The following C17orf58 variants were observed in gnomAD, a reference collection of about 807,000 sequenced individuals.
C17orf58 encodes the protein UPF0450 protein C17orf58.
C17orf58 carries 5 observed loss-of-function variants against 7.4 expected under a neutral mutation model. The observed-to-expected ratio is 0.67, with a 90% CI of 0.35 to 1.42. C17orf58 has a LOEUF of 1.42. C17orf58 is among the 40% of genes most tolerant of loss of function. The probability of loss-of-function intolerance (pLI) is 0.04; values close to 1 mark genes in which losing one functional copy is unlikely to be tolerated. For missense variants in C17orf58, 162 were observed against 174.2 expected (o/e 0.93, Z 0.40); for synonymous variants, 60 against 70.6 (o/e 0.85, Z 0.75).
chr17:67,993,397 G>A lies in C17orf58; in HGVS notation c.637+27C>T, dbSNP rs1290055741. On this transcript the variant is annotated intron_variant, in intron 2 of 3. Transcript: ENST00000580729. The surrounding 1 kb of genome is among the most constrained non-coding windows in gnomAD (Gnocchi z 5.1). ...GCTCGGAAAGGCTCGCGGGGCGGCGGGGCGGCGGCGCGGCGGCCGGGCTCA... is the reference window on the plus strand; with the variant it reads ...GCTCGGAAAGGCTCGCGGGGCGGCGAGGCGGCGGCGCGGCGGCCGGGCTCA... 6.9e-6 allele frequency: 4 copies of A among 579,198 alleles called. No individual in the cohort carries two copies. Among genetic ancestry groups the A allele is most frequent in the African/African-American group, 1.9e-5 (1 of 51,744 alleles). The allele number at this position is 579,198 out of a possible 1,614,324, so 35.9% of individuals were successfully genotyped here. A position where few individuals can be genotyped will look rare whatever the true frequency, so the allele number is the denominator to read the frequency against.
Position 67,991,973 on chromosome 17 carries a change from T to G in C17orf58, c.960A>C (p.Lys320Asn). 1 of 1,613,178 alleles carries G rather than the reference T, an allele frequency of 6.2e-7. No individual in the cohort carries two copies. The highest frequency in any genetic ancestry group is 1.1e-5 in the South Asian group (1 of 90,738). Residue 320 changes from lysine (K) to asparagine (N), a missense_variant, in exon 4 of 4, where the codon AAA (lysine) becomes AAC (asparagine). Physicochemically the swap from Lys to Asn is moderately conservative, Grantham distance 94 (BLOSUM62 0). Transcript: ENST00000580729. ...GCCCTTCCCTTTTTCGATTAAACCT[T>G]TTCACATAGCTGCTGCTGCTCCTTA... ...GLLRSSSSYV[K>N]RFNRKREGQI...
At chr17:67,994,512 G>GCATATATATATATATATA (rs782617371) in intron 1 of C17orf58, among the ~76,000 whole-genome samples, 2 of 85,568 alleles carry the variant, frequency 2.3e-5, no homozygotes, top group African/African-American at 7.5e-5. Flanking sequence ...GTGTGTGTGT[G>GCATATATATATATATATA]TGTGTATATA....
At chr17:67,992,774 G>A in intron 3 of C17orf58, 1 of 1,225,456 alleles carries the variant, frequency 8.2e-7, no homozygotes, top group South Asian at 1.5e-5. Context: ...TGGCAATGGT[G>A]TTTGGTCGTC....
At chr17:67,995,951 C>T (rs1490220491) in intron 1 of C17orf58, among the ~76,000 whole-genome samples, 172 bp downstream of exon 1, 2 of 152,226 alleles carry the variant, frequency 1.3e-5, no homozygotes, top group Non-Finnish European at 2.9e-5. Flanking sequence ...CCAAGAGACA[C>T]GAAACCTTGG....
intron 1 of C17orf58, 66 bp from the exon 2 acceptor site, chr17:67,994,050 C>A: frequency 2.7e-6 from 1 of 373,856 alleles, no homozygotes; most frequent in South Asian, 1.3e-4. Flanking sequence ...GGGAGGCCGT[C>A]GGGGAAAGCC....
chr17:67,995,582 G>C (rs1555699713), intron 1 of C17orf58, among the ~76,000 whole-genome samples: 1 of 152,184 alleles, frequency 6.6e-6, no homozygotes, highest in Non-Finnish European at 1.5e-5. Flanking sequence ...ATTTCATTTC[G>C]TGCATGAAGT....
intron 1 of C17orf58, among the ~76,000 whole-genome samples, chr17:67,995,886 C>G (rs1468279634): frequency 6.6e-6 from 1 of 152,260 alleles, no homozygotes; most frequent in Non-Finnish European, 1.5e-5. Flanking sequence ...CCCAGCCTGC[C>G]CGGCTTGCTC....
chr17:67,992,892 GAAT>G, intron 3 of C17orf58, 149 bp downstream of exon 3: 1 of 1,613,152 alleles, frequency 6.2e-7, no homozygotes, highest in African/African-American at 1.3e-5. Flanking sequence ...AGAGTGGCCG[GAAT>G]AATACCTGTC....
At position 67,996,366 on chromosome 17, in the gene C17orf58, C is replaced by T. The variant is rs2070891632; in HGVS notation, c.-168G>A. The T allele has an allele frequency of 7.7e-6, 3 of 389,940 alleles. No homozygotes were observed. Among genetic ancestry groups the T allele is most frequent in the Non-Finnish European group, 1.4e-5 (3 of 221,254 alleles). The allele number at this position is 389,940 out of a possible 1,614,324, so 24.2% of individuals were successfully genotyped here. A position where few individuals can be genotyped will look rare whatever the true frequency, so the allele number is the denominator to read the frequency against. ...AGACCATTGGAACAAAACCGAGCCG[C>T]AGGGATTTCTCCCTCTTCCTTCCTA... On this transcript the variant is annotated 5_prime_UTR_variant, in exon 1 of 4. Transcript: ENST00000580729.
At chr17:67,992,419 T>C (rs1412735856) in intron 3 of C17orf58, among the ~76,000 whole-genome samples, 2 of 151,760 alleles carry the variant, frequency 1.3e-5, no homozygotes, top group East Asian at 3.9e-4. Flanking sequence ...AATACAAAAA[T>C]TGGCAGGGCG....
Position 67,991,828 on chromosome 17 carries a change from G to T in C17orf58, c.*85C>A. 8.8e-7 allele frequency: 1 copy of T among 1,133,708 alleles called. No individual in the cohort carries two copies. The highest frequency in any genetic ancestry group is 1.3e-6 in the Non-Finnish European group (1 of 795,128). 70.2% of individuals were successfully genotyped at this position (1,133,708 alleles called of 1,614,324 possible). On this transcript the variant is annotated 3_prime_UTR_variant, in exon 4 of 4. Coordinates refer to ENST00000580729, the MANE Select transcript of C17orf58 (RefSeq NM_001382359.1). ...TAGCTGAGGGCTCTCTTCTGAAGGAGGACCCATTACATGAAGGTAGACCTT... is the reference window on the plus strand; with the variant it reads ...TAGCTGAGGGCTCTCTTCTGAAGGATGACCCATTACATGAAGGTAGACCTT...
Position 67,993,306 on chromosome 17 carries a change from T to G in C17orf58, c.638-71A>C. Reference sequence around the variant, plus strand: ...TCTCCCAGTCCCCCAGGAGGTGGTTTTTAGCAACCGCGAAACGGCCCGCAC... The same window carrying G: ...TCTCCCAGTCCCCCAGGAGGTGGTTGTTAGCAACCGCGAAACGGCCCGCAC... On this transcript the variant is annotated intron_variant, in intron 2 of 3. Transcript: ENST00000580729. The surrounding 1 kb of genome is among the most constrained non-coding windows in gnomAD (Gnocchi z 5.1). 7.1e-6 allele frequency: 7 copies of G among 990,104 alleles called. No homozygotes were observed. Among genetic ancestry groups the G allele is most frequent in the Middle Eastern group, 2.3e-4 (1 of 4,286 alleles). The allele number at this position is 990,104 out of a possible 1,614,324, so 61.3% of individuals were successfully genotyped here. A position where few individuals can be genotyped will look rare whatever the true frequency, so the allele number is the denominator to read the frequency against.
Position 67,993,506 on chromosome 17 carries a change from G to A in C17orf58, c.555C>T (p.Asp185=). 2.5e-6 allele frequency: 1 copy of A among 392,816 alleles called. No individual in the cohort carries two copies. Among genetic ancestry groups the A allele is most frequent in the Non-Finnish European group, 4.5e-6 (1 of 223,038 alleles). The allele number at this position is 392,816 out of a possible 1,614,324, so 24.3% of individuals were successfully genotyped here. ...CGCAGGGCTCAGCGCCGGGCTCCGC[G>A]TCCCTCTGCGGCGGGCTGAGGCCGA... ...LSFGLSPPQR[D]AEPGAEPCAR... Residue 185 remains aspartate, a synonymous_variant, in exon 2 of 4, where the codon GAC becomes GAT. Coordinates refer to ENST00000580729, the MANE Select transcript of C17orf58 (RefSeq NM_001382359.1). The surrounding 1 kb of genome is among the most constrained non-coding windows in gnomAD (Gnocchi z 5.1).
Position 67,993,512 on chromosome 17 carries a change from C to G in C17orf58, c.549G>C (p.Gln183His), listed in dbSNP as rs1173513434. 3.1e-5 allele frequency: 12 copies of G among 386,944 alleles called. No homozygotes were observed. The highest frequency in any genetic ancestry group is 5.0e-5 in the Non-Finnish European group (11 of 219,222). The allele number at this position is 386,944 out of a possible 1,614,324, so 24.0% of individuals were successfully genotyped here. A position where few individuals can be genotyped will look rare whatever the true frequency, so the allele number is the denominator to read the frequency against. The stretch of plus-strand genomic sequence containing the variant: ...GCTCAGCGCCGGGCTCCGCGTCCCT[C>G]TGCGGCGGGCTGAGGCCGAAGCTGA... Reference protein sequence around the residue: ...FSLSFGLSPPQRDAEPGAEPC... With the variant: ...FSLSFGLSPPHRDAEPGAEPC... Residue 183 changes from glutamine to histidine, a missense_variant, in exon 2 of 4, where the codon CAG becomes CAC. Gln to His is a conservative substitution (Grantham distance 24). Transcript: ENST00000580729. This position sits in a 1 kb window ranked among gnomAD's most constrained non-coding sequence, Gnocchi z 5.1.
chr17:67,994,006 GGCGGGAAGGCGGTGGGGGAGGAGAA>G (rs1328324176), intron 1 of C17orf58, 22 bp from the exon 2 acceptor site: 1 of 394,222 alleles, frequency 2.5e-6, no homozygotes, highest in East Asian at 3.6e-5. Flanking sequence ...GAAGAGGAGA[GGCGGGAAGGCGGTGGGGGAGGAGAA>G]GCAGTGAGGG....
intron 1 of C17orf58, among the ~76,000 whole-genome samples, chr17:67,994,754 C>T (rs1393272108): frequency 6.6e-6 from 1 of 151,850 alleles, no homozygotes; most frequent in Non-Finnish European, 1.5e-5. Context: ...GCTTCTTGGA[C>T]ACCACTTACT....
Position 67,993,114 on chromosome 17 carries a change from G to A in C17orf58, c.759C>T (p.Phe253=). 6.2e-7 allele frequency: 1 copy of A among 1,614,152 alleles called. No homozygotes were observed. Among genetic ancestry groups the A allele is most frequent in the Non-Finnish European group, 8.5e-7 (1 of 1,179,988 alleles). ...MNRLYLTPDG[F]FFRVHMLALD... ...GGGCTAACATGTGGACTCGGAAGAA[G>A]AAGCCGTCGGGGGTGAGGTACAGGC... The change falls in exon 3 of 4, where the codon TTC becomes TTT. Residue 253 remains phenylalanine, a synonymous_variant. Coordinates refer to ENST00000580729, the MANE Select transcript of C17orf58 (RefSeq NM_001382359.1). This position sits in a 1 kb window ranked among gnomAD's most constrained non-coding sequence, Gnocchi z 5.1.
rs1272895754 is a variant in C17orf58 at position 67,993,376 on chromosome 17, G to A, written c.637+48C>T. 2 of 610,560 alleles carry A rather than the reference G, an allele frequency of 3.3e-6. No homozygotes were observed. The highest frequency in any genetic ancestry group is 2.9e-5 in the East Asian group (1 of 34,330). 37.8% of individuals were successfully genotyped at this position (610,560 alleles called of 1,614,324 possible). On this transcript the variant is annotated intron_variant, in intron 2 of 3. Coordinates refer to ENST00000580729, the MANE Select transcript of C17orf58 (RefSeq NM_001382359.1). The surrounding 1 kb of genome is among the most constrained non-coding windows in gnomAD (Gnocchi z 5.1). ...CTCGCGGGCGGATTCTCCGGGGCTC[G>A]GAAAGGCTCGCGGGGCGGCGGGGCG...
Position 67,993,872 on chromosome 17 carries a change from G to A in C17orf58, c.189C>T (p.Ala63=), listed in dbSNP as rs2070866459. 5.5e-6 allele frequency: 2 copies of A among 365,484 alleles called. No homozygotes were observed. The highest frequency in any genetic ancestry group is 2.1e-5 in the African/African-American group (1 of 46,652). The allele number at this position is 365,484 out of a possible 1,614,324, so 22.6% of individuals were successfully genotyped here. ...AGGCGCGGGCGGCGGGAGCGACCTC[G>A]GCCGCGCGCGGCCGCTGCGGGGCCT... is the stretch of plus-strand genomic sequence containing the variant. The part of the protein sequence containing the change: ...LLEAPQRPRA[A]EVAPAARAWP... The change falls in exon 2 of 4, where the codon GCC becomes GCT. Residue 63 remains alanine, a synonymous_variant. Transcript: ENST00000580729. The surrounding 1 kb of genome is among the most constrained non-coding windows in gnomAD (Gnocchi z 5.1).
Sources: allele counts gnomAD v4.1 joint callset (sites outside exome capture counted in the v4.1 genomes callset), GRCh38; gene constraint gnomAD v4.1.1; non-coding constraint Gnocchi (gnomAD v3.1); transcripts MANE v1.5; gene names NCBI Gene and HGNC (gene_info 2026-07-23, HGNC 2026-07-21).